The following SPATS2L variants were observed in gnomAD, a reference collection of about 807,000 sequenced individuals.
SPATS2L encodes spermatogenesis associated serine rich 2 like.
In SPATS2L, 30 loss-of-function variants were observed where a neutral mutation model predicts 59.6. That is an observed-to-expected ratio of 0.50 (90% CI 0.38 to 0.68). The LOEUF (loss-of-function observed/expected upper bound fraction) is 0.68. SPATS2L is among the 30% of genes least tolerant of loss of function. The probability of loss-of-function intolerance (pLI) is 0.00; values close to 1 mark genes in which losing one functional copy is unlikely to be tolerated. For missense variants in SPATS2L, 615 were observed against 700.0 expected (o/e 0.88, Z 1.37); for synonymous variants, 252 against 263.5 (o/e 0.96, Z 0.42).
chr2:200,334,117 C>T (rs2080056006), intron 2 of SPATS2L, among the ~76,000 whole-genome samples: 1 of 152,182 alleles, frequency 6.6e-6, no homozygotes, highest in African/African-American at 2.4e-5. Flanking sequence ...ATAGTCCCAC[C>T]AACAGTGTAA....
At chr2:200,371,910 T>C (rs1217502992) in intron 2 of SPATS2L, among the ~76,000 whole-genome samples, 3 of 152,220 alleles carry the variant, frequency 2.0e-5, no homozygotes, top group Non-Finnish European at 4.4e-5. Flanking sequence ...TAGATTTTGC[T>C]TTGAACGGTA....
intron 1 of SPATS2L, among the ~76,000 whole-genome samples, chr2:200,323,374 T>A (rs56914477): frequency 0.11 from 16,235 of 152,244 alleles, 929 homozygotes; most frequent in Non-Finnish European, 0.13. Flanking sequence ...TGATTAATAA[T>A]GGCTTGAGCC....
At chr2:200,450,855 C>T (rs1293975256) in intron 8 of SPATS2L, among the ~76,000 whole-genome samples, 1 of 152,180 alleles carries the variant, frequency 6.6e-6, no homozygotes, top group African/African-American at 2.4e-5. Flanking sequence ...TCAACTCTAC[C>T]TGGCTCATTA....
In SPATS2L at chr2:200,473,329, A is replaced by T. The variant is rs2881745; in HGVS notation, c.1281+277A>T. On this transcript the variant is annotated intron_variant, in intron 12 of 12. Transcript: ENST00000409140. Reference sequence around the variant, plus strand: ...TGAGCAGAGTCCACCCCAGTGACACAGTTCTTCTCATGGCTAGGACTGCCA... The same window carrying T: ...TGAGCAGAGTCCACCCCAGTGACACTGTTCTTCTCATGGCTAGGACTGCCA... Among the ~76,000 whole-genome samples the T allele has an allele frequency of 3.9e-5, 6 of 152,210 alleles. No homozygotes were observed. The South Asian group carries it at 1.2e-3, about 32-fold the overall frequency.
intron 4 of SPATS2L, among the ~76,000 whole-genome samples, chr2:200,416,170 G>T (rs1167092330): frequency 6.8e-6 from 1 of 147,682 alleles, no homozygotes; most frequent in Non-Finnish European, 1.5e-5. Flanking sequence ...TTAATATTTT[G>T]ATAAAACCAA....
At chr2:200,397,045 T>A (rs1421756116) in intron 3 of SPATS2L, among the ~76,000 whole-genome samples, 1 of 152,214 alleles carries the variant, frequency 6.6e-6, no homozygotes, top group Non-Finnish European at 1.5e-5. Context: ...AGCCTCAGTT[T>A]CAGGGGATAA....
intron 2 of SPATS2L, among the ~76,000 whole-genome samples, chr2:200,367,464 C>T (rs572245865): frequency 1.3e-5 from 2 of 152,234 alleles, no homozygotes; most frequent in African/African-American, 2.4e-5. Flanking sequence ...GTACTCAAAT[C>T]GTAGTCAGTG....
chr2:200,453,898 G>C (rs557561763), intron 8 of SPATS2L, among the ~76,000 whole-genome samples: 5 of 152,272 alleles, frequency 3.3e-5, no homozygotes, highest in Non-Finnish European at 7.4e-5. Context: ...GGCCAGGAAG[G>C]CTGAAATATT....
chr2:200,464,716 C>T (rs187263846), intron 9 of SPATS2L, among the ~76,000 whole-genome samples: 1 of 152,160 alleles, frequency 6.6e-6, no homozygotes, highest in East Asian at 1.9e-4. Context: ...CTGAGTCAAG[C>T]AATCCTCCTG....
chr2:200,412,574 C>G (rs2082914560), intron 4 of SPATS2L, among the ~76,000 whole-genome samples, 155 bp downstream of exon 4: 1 of 144,466 alleles, frequency 6.9e-6, no homozygotes, highest in African/African-American at 2.6e-5. Flanking sequence ...CTACTGCACT[C>G]TAGCCTAGGT....
At chr2:200,477,545 C>T in intron 12 of SPATS2L, 91 bp from the exon 13 acceptor site, 1 of 584,644 alleles carries the variant, frequency 1.7e-6, no homozygotes, top group South Asian at 4.2e-5. Context: ...AAAAGCTTAC[C>T]TGTGGCTTAG....
intron 6 of SPATS2L, among the ~76,000 whole-genome samples, chr2:200,422,802 T>A (rs2083368465): frequency 6.6e-6 from 1 of 152,130 alleles, no homozygotes; most frequent in Non-Finnish European, 1.5e-5. Flanking sequence ...AAAGTTTAAT[T>A]TATAAATTAG....
intron 1 of SPATS2L, among the ~76,000 whole-genome samples, chr2:200,313,250 T>C (rs972620273): frequency 1.3e-5 from 2 of 152,182 alleles, no homozygotes; most frequent in African/African-American, 4.8e-5. Context: ...TAGGAGCAGT[T>C]TGAAGGTGTG....
At chr2:200,355,140 G>T (rs978288173) in intron 2 of SPATS2L, among the ~76,000 whole-genome samples, 2 of 151,774 alleles carry the variant, frequency 1.3e-5, no homozygotes, top group African/African-American at 4.8e-5. Context: ...CCCTTCACCC[G>T]CCTGCTGTCT....
At chr2:200,309,499 T>C (rs2079129449) in intron 1 of SPATS2L, among the ~76,000 whole-genome samples, 1 of 152,244 alleles carries the variant, frequency 6.6e-6, no homozygotes, top group Non-Finnish European at 1.5e-5. Flanking sequence ...CATTTGACTG[T>C]GATAATTAAA....
intron 1 of SPATS2L, among the ~76,000 whole-genome samples, chr2:200,328,749 G>T (rs1304004154): frequency 6.6e-6 from 1 of 152,212 alleles, no homozygotes; most frequent in African/African-American, 2.4e-5. Flanking sequence ...ATGGGTGACC[G>T]AGTGAGTGAT....
At chr2:200,344,575 G>A (rs969927131) in intron 2 of SPATS2L, among the ~76,000 whole-genome samples, 1 of 152,112 alleles carries the variant, frequency 6.6e-6, no homozygotes, top group Non-Finnish European at 1.5e-5. Context: ...ATACTCCTTT[G>A]AGTATATATC....
intron 8 of SPATS2L, among the ~76,000 whole-genome samples, chr2:200,445,344 AC>A (rs2084963542): frequency 6.6e-6 from 1 of 152,206 alleles, no homozygotes; most frequent in South Asian, 2.1e-4. Context: ...TAAAAGTGGG[AC>A]TTTTAGGCAG....
chr2:200,423,501 A>G (rs1363908225), intron 6 of SPATS2L, among the ~76,000 whole-genome samples: 4 of 152,124 alleles, frequency 2.6e-5, no homozygotes, highest in Non-Finnish European at 5.9e-5. Context: ...TCAGAGGATA[A>G]CCCTCTTGAA....
Sources: allele counts gnomAD v4.1 joint callset (sites outside exome capture counted in the v4.1 genomes callset), GRCh38; gene constraint gnomAD v4.1.1; transcripts MANE v1.5; gene names NCBI Gene and HGNC (gene_info 2026-07-23, HGNC 2026-07-21).